KDM3A: variants seen among roughly 807,000 people sequenced by gnomAD.
KDM3A encodes the protein lysine-specific demethylase 3A.
In KDM3A, 60 loss-of-function variants were observed where a neutral mutation model predicts 158.0. That is an observed-to-expected ratio of 0.38 (90% CI 0.31 to 0.47). The LOEUF is 0.47. Ranked by LOEUF, KDM3A falls within the 20% of genes least tolerant of loss-of-function variation. The pLI is 0.99. For missense variants in KDM3A, 1,319 were observed against 1,574.3 expected (o/e 0.84, Z 2.74); for synonymous variants, 608 against 549.3 (o/e 1.11, Z -1.49).
At chr2:86,456,161 T>C (rs890439605) in intron 5 of KDM3A, among the ~76,000 whole-genome samples, 1 of 151,990 alleles carries the variant, frequency 6.6e-6, no homozygotes, top group African/African-American at 2.4e-5. Flanking sequence ...CATAGTATTT[T>C]TGTTGGGGTT....
chr2:86,469,835 G>A (rs151073764), intron 10 of KDM3A, among the ~76,000 whole-genome samples: 2 of 152,302 alleles, frequency 1.3e-5, no homozygotes, highest in East Asian at 3.9e-4. Flanking sequence ...TACTAAGTCA[G>A]GCCTCTGCAG....
rs777831801 is a variant in KDM3A, at chr2:86,466,405, T to G, written c.1041T>G (p.Ser347=). ...CHKQSLPEEI[S]SCLNTKSEAL... ...AACAAAGTTTACCAGAGGAAATTTC[T>G]TCCTGTCTAAATACAAAGTCTGAAG... The change falls in exon 10 of 26, where the codon TCT becomes TCG. Residue 347 remains serine (S), a synonymous_variant. Coordinates refer to ENST00000312912, the MANE Select transcript of KDM3A (RefSeq NM_018433.6). 4.3e-6 allele frequency: 7 copies of G among 1,612,098 alleles called. No individual in the cohort carries two copies. The South Asian group carries it at 6.6e-5, about 15-fold the overall frequency.
chr2:86,443,687 C>G (rs1378513953), intron 2 of KDM3A, among the ~76,000 whole-genome samples: 1 of 152,208 alleles, frequency 6.6e-6, no homozygotes, highest in Non-Finnish European at 1.5e-5. Context: ...TCTTAACCAT[C>G]AGGCCAGTGA....
Position 86,480,271 on chromosome 2 carries a change from C to T in KDM3A, c.2421C>T (p.Ala807=), listed in dbSNP as rs1452861725. The T allele has an allele frequency of 5.0e-6, 8 of 1,613,798 alleles. No homozygotes were observed. In the Admixed American group the frequency reaches 5.0e-5, roughly 10 times the overall value. Residue 807 remains alanine, a synonymous_variant, in exon 16 of 26, where the codon GCC becomes GCT. Transcript: ENST00000312912. ...GTGGGGAAGCAGCCTCCAAGCCAGCCGGCAGCATGAAGCCTGCCTGTCCAG... is the reference window on the plus strand; with the variant it reads ...GTGGGGAAGCAGCCTCCAAGCCAGCTGGCAGCATGAAGCCTGCCTGTCCAG... ...AVGGEAASKP[A]GSMKPACPAS...
At chr2:86,475,835 G>T (rs1400343185) in intron 12 of KDM3A, among the ~76,000 whole-genome samples, 1 of 152,142 alleles carries the variant, frequency 6.6e-6, no homozygotes, top group African/African-American at 2.4e-5. Context: ...AAGCATCCAT[G>T]CCAGTCTTAA....
At chr2:86,442,355 G>A in intron 2 of KDM3A, 122 bp downstream of exon 2, 1 of 911,072 alleles carries the variant, frequency 1.1e-6, no homozygotes, top group Non-Finnish European at 1.6e-6. Flanking sequence ...TGATCTGAAG[G>A]TGCAGGAAGC....
At chr2:86,441,052 T>A (rs564345145), upstream of KDM3A, 1 of 152,282 alleles carries the variant, frequency 6.6e-6, no homozygotes, top group Admixed American at 6.5e-5. Context: ...ATAACCGATT[T>A]CGCGGGACTT....
chr2:86,456,419 T>A (rs1558609997), intron 5 of KDM3A, 23 bp from the exon 6 acceptor site: 3 of 1,244,038 alleles, frequency 2.4e-6, no homozygotes, highest in Non-Finnish European at 3.2e-6. Flanking sequence ...CTCTAAGATT[T>A]TTTTTTTTTT....
chr2:86,477,202 C>T (rs530545927), intron 12 of KDM3A, among the ~76,000 whole-genome samples: 57 of 152,316 alleles, frequency 3.7e-4, no homozygotes, highest in Admixed American at 1.2e-3. Flanking sequence ...CCTTAATCTG[C>T]TGGATGTTTG....
At chr2:86,473,161 T>C (rs1673494308) in intron 11 of KDM3A, among the ~76,000 whole-genome samples, 1 of 152,212 alleles carries the variant, frequency 6.6e-6, no homozygotes, top group African/African-American at 2.4e-5. Context: ...TGTATGTATT[T>C]ACTTATTTAT....
At chr2:86,488,670 C>T (rs1261623983) in intron 21 of KDM3A, 1 of 152,326 alleles carries the variant, frequency 6.6e-6, no homozygotes, top group Non-Finnish European at 1.5e-5. Flanking sequence ...AGCTGTGCTT[C>T]TCCCTACTGC....
chr2:86,475,086 C>T, intron 12 of KDM3A, 96 bp downstream of exon 12: 2 of 993,148 alleles, frequency 2.0e-6, no homozygotes, highest in Non-Finnish European at 3.1e-6. Flanking sequence ...TTTTTTTCAC[C>T]CAGAAGTTTA....
chr2:86,457,020 T>G lies in KDM3A; in HGVS notation c.792T>G (p.Ser264=). The G allele has an allele frequency of 1.2e-6, 2 of 1,601,956 alleles. No individual in the cohort carries two copies. Among genetic ancestry groups the G allele is most frequent in the South Asian group, 2.2e-5 (2 of 89,036 alleles). Residue 264 remains serine (S), a synonymous_variant, in exon 8 of 26, where the codon TCT becomes TCG. Transcript: ENST00000312912. ...GAATTGGAGCTGTAAAACGCAAGTC[T>G]TCTGAGAATAATGGAACCCTGGTTT... ...SARIGAVKRK[S]SENNGTLVSK...
At chr2:86,485,365 C>T (rs1674128836) in intron 20 of KDM3A, among the ~76,000 whole-genome samples, 1 of 152,220 alleles carries the variant, frequency 6.6e-6, no homozygotes, top group Admixed American at 6.5e-5. Context: ...GTAGTCACAG[C>T]ACTGAGTTAG....
In KDM3A at chr2:86,474,863, A is replaced by G. The variant is rs1023426683; in HGVS notation, c.1812A>G (p.Leu604=). The G allele has an allele frequency of 3.1e-6, 5 of 1,613,926 alleles. No individual in the cohort carries two copies. In the African/African-American group the frequency reaches 5.3e-5, roughly 17 times the overall value. Reference sequence around the variant, plus strand: ...ACAATGAAGCAATTGGCTTGTGGTTACCTTTAACCAAAAACGTTGTGGGGA... The same window carrying G: ...ACAATGAAGCAATTGGCTTGTGGTTGCCTTTAACCAAAAACGTTGTGGGGA... The part of the protein sequence containing the change: ...KYDNEAIGLW[L]PLTKNVVGID... Residue 604 remains leucine, a synonymous_variant, in exon 12 of 26, where the codon TTA becomes TTG. Coordinates refer to ENST00000312912, the MANE Select transcript of KDM3A (RefSeq NM_018433.6).
chr2:86,465,185 C>T (rs1673082043), intron 9 of KDM3A, among the ~76,000 whole-genome samples: 2 of 152,106 alleles, frequency 1.3e-5, no homozygotes, highest in African/African-American at 4.8e-5. Flanking sequence ...TGCTAAGAAA[C>T]AAAAGTTCTT....
Position 86,442,141 on chromosome 2 carries a change from A to G in KDM3A, c.94A>G (p.Ser32Gly), listed in dbSNP as rs751759466. Reference sequence around the variant, plus strand: ...CGACGGCAGCGATGGCAGCCACGACAGCTGGGACGTGGAGCGCGTCGCCGA... The same window carrying G: ...CGACGGCAGCGATGGCAGCCACGACGGCTGGGACGTGGAGCGCGTCGCCGA... ...AADGSDGSHD[S>G]WDVERVAEWP... Residue 32 changes from serine to glycine, a missense_variant, in exon 2 of 26, where the codon AGC (serine) becomes GGC (glycine). By Grantham distance (56) the Ser-to-Gly change is moderately conservative. Transcript: ENST00000312912. 2 of 1,614,118 alleles carry G rather than the reference A, an allele frequency of 1.2e-6. No homozygotes were observed. Among genetic ancestry groups the G allele is most frequent in the Non-Finnish European group, 1.7e-6 (2 of 1,179,994 alleles).
At chr2:86,465,982 C>T (rs1573174683) in intron 9 of KDM3A, among the ~76,000 whole-genome samples, 1 of 150,060 alleles carries the variant, frequency 6.7e-6, no homozygotes, top group East Asian at 1.9e-4. Flanking sequence ...TTCGGAATTG[C>T]CCCTACACAG....
rs530778407 is a variant in KDM3A, at chr2:86,477,818, G to A, written c.1940-59G>A. ...GGAATGACAATAACCCCTACCTTTCGTTTTTGGTTTCAGAAGCCCTCTCCT... is the reference window on the plus strand; with the variant it reads ...GGAATGACAATAACCCCTACCTTTCATTTTTGGTTTCAGAAGCCCTCTCCT... On this transcript the variant is annotated intron_variant, in intron 12 of 25. Transcript: ENST00000312912. 2.2e-5 allele frequency: 33 copies of A among 1,512,300 alleles called. No individual in the cohort carries two copies. The South Asian group carries it at 2.7e-4, about 13-fold the overall frequency. 93.7% of individuals were successfully genotyped at this position (1,512,300 alleles called of 1,614,324 possible). A position where few individuals can be genotyped will look rare whatever the true frequency, so the allele number is the denominator to read the frequency against.
Sources: allele counts gnomAD v4.1 joint callset (sites outside exome capture counted in the v4.1 genomes callset), GRCh38; gene constraint gnomAD v4.1.1; transcripts MANE v1.5; gene names NCBI Gene and HGNC (gene_info 2026-07-23, HGNC 2026-07-21).